Variants in ZNF678 observed in about 807,000 individuals in gnomAD.
ZNF678 encodes the protein hypothetical protein MGC42493.
ZNF678 carries 5 observed loss-of-function variants against 3.0 expected under a neutral mutation model. That is an observed-to-expected ratio of 1.69 (90% CI 0.88 to 3.56). The LOEUF is 3.56. Ranked by LOEUF, ZNF678 falls within the 30% of genes most tolerant of loss-of-function variation. The probability of loss-of-function intolerance (pLI) is 0.00; values close to 1 mark genes in which losing one functional copy is unlikely to be tolerated. For synonymous variants in ZNF678, 218 were observed against 199.6 expected (o/e 1.09, Z -0.78); for missense variants, 593 against 605.0 (o/e 0.98, Z 0.21).
rs1266106068 is a variant in ZNF678, at chr1:227,595,695, CAAACCAAAATCA to C, written c.-164+31984_-164+31995del. ...ACACACACACTTTTGCAGTTTACAC[CAAACCAAAATCA>C]AAACCAAAATCAGAGTATCCAGAAA... On this transcript the variant is annotated intron_variant, in intron 1 of 3. Transcript: ENST00000343776. Among the ~76,000 whole-genome samples the C allele has an allele frequency of 6.6e-5, 10 of 152,186 alleles. No individual in the cohort carries two copies. The East Asian group carries it at 9.7e-4, about 15-fold the overall frequency.
intron 1 of ZNF678, among the ~76,000 whole-genome samples, chr1:227,615,857 A>C (rs1201858875): frequency 6.6e-6 from 1 of 152,190 alleles, no homozygotes; most frequent in Non-Finnish European, 1.5e-5. Flanking sequence ...CCTGGTTACC[A>C]TCTGTTGACT....
At chr1:227,607,316 C>T (rs1229478751) in intron 1 of ZNF678, among the ~76,000 whole-genome samples, 1 of 152,170 alleles carries the variant, frequency 6.6e-6, no homozygotes, top group African/African-American at 2.4e-5. Flanking sequence ...TTAATACCCT[C>T]TTTCTGAGGG....
downstream of ZNF678, among the ~76,000 whole-genome samples, chr1:227,677,826 A>G (rs1309008765): frequency 6.6e-6 from 1 of 152,216 alleles, no homozygotes; most frequent in African/African-American, 2.4e-5. Flanking sequence ...AGAATAGGTA[A>G]CTCTGAGCTG....
intron 1 of ZNF678, among the ~76,000 whole-genome samples, chr1:227,575,733 A>AT (rs568312868): frequency 3.0e-4 from 46 of 152,054 alleles, no homozygotes; most frequent in African/African-American, 9.9e-4. Context: ...CATGCCCATT[A>AT]TTTTTTTCTC....
chr1:227,672,674 C>G (rs558583489), intron 5 of ZNF678, among the ~76,000 whole-genome samples: 1 of 152,146 alleles, frequency 6.6e-6, no homozygotes, highest in African/African-American at 2.4e-5. Flanking sequence ...AGCAGCTCCC[C>G]CTGACCTTCA....
chr1:227,663,294 C>T (rs78077080), downstream of ZNF678, among the ~76,000 whole-genome samples: 625 of 152,296 alleles, frequency 4.1e-3, 6 homozygotes, highest in African/African-American at 0.014. Context: ...TCCTGCAGCA[C>T]GACTGAAGTG....
At chr1:227,641,792 G>C (rs532308535) in intron 1 of ZNF678, among the ~76,000 whole-genome samples, 2 of 151,814 alleles carry the variant, frequency 1.3e-5, no homozygotes, top group South Asian at 4.2e-4. Context: ...ACAGCAAACA[G>C]ACCTTCCAGC....
chr1:227,624,189 C>A (rs1188154046), intron 1 of ZNF678, among the ~76,000 whole-genome samples: 1 of 152,160 alleles, frequency 6.6e-6, no homozygotes, highest in East Asian at 1.9e-4. Context: ...TACTTTAATT[C>A]AATACATTGA....
rs181983708 is a variant in ZNF678 at position 227,659,135 on chromosome 1, T to G, written c.*3307T>G. 1 of 152,238 alleles carries G rather than the reference T, an allele frequency of 6.6e-6. No individual in the cohort carries two copies. The highest frequency in any genetic ancestry group is 1.9e-4 in the East Asian group (1 of 5,188). The allele number at this position is 152,238 out of a possible 1,614,324, so 9.4% of individuals were successfully genotyped here. A position where few individuals can be genotyped will look rare whatever the true frequency, so the allele number is the denominator to read the frequency against. The stretch of plus-strand genomic sequence containing the variant: ...TTTACATTTATGTTTACATTTATAT[T>G]TAATTTTTCAAATTTAATTTAAATT... On this transcript the variant is annotated 3_prime_UTR_variant, in exon 4 of 4. Coordinates refer to ENST00000343776, the MANE Select transcript of ZNF678 (RefSeq NM_001367909.1).
At chr1:227,565,439 C>T (rs566981211) in intron 1 of ZNF678, among the ~76,000 whole-genome samples, 284 of 152,294 alleles carry the variant, frequency 1.9e-3, no homozygotes, top group Middle Eastern at 3.4e-3. Flanking sequence ...TCACTGAAGC[C>T]TCCAACTCCT....
downstream of ZNF678, among the ~76,000 whole-genome samples, chr1:227,663,271 C>T (rs531328115): frequency 1.1e-4 from 16 of 152,320 alleles, no homozygotes; most frequent in African/African-American, 3.8e-4. Context: ...TGTTAAGACA[C>T]ATACAATATG....
intron 1 of ZNF678, among the ~76,000 whole-genome samples, chr1:227,564,266 A>T (rs1656612421): frequency 6.6e-6 from 1 of 152,252 alleles, no homozygotes; most frequent in Non-Finnish European, 1.5e-5. Context: ...TGGACTGTCC[A>T]GGTGGAAATT....
intron 1 of ZNF678, among the ~76,000 whole-genome samples, chr1:227,591,208 T>C (rs1298536910): frequency 6.6e-6 from 1 of 151,806 alleles, no homozygotes. Flanking sequence ...AACCACGATA[T>C]TTACTTGAAG....
chr1:227,633,833 A>C (rs1658610567), intron 1 of ZNF678, among the ~76,000 whole-genome samples: 1 of 152,212 alleles, frequency 6.6e-6, no homozygotes, highest in South Asian at 2.1e-4. Flanking sequence ...ATAGTGCTGA[A>C]CTGGGCCCAG....
At chr1:227,588,325 T>C (rs893300397) in intron 1 of ZNF678, among the ~76,000 whole-genome samples, 29 of 152,160 alleles carry the variant, frequency 1.9e-4, no homozygotes, top group African/African-American at 7.0e-4. Flanking sequence ...AAGAATGATT[T>C]ATATTCTTTT....
At chr1:227,574,481 G>A (rs181756762) in intron 1 of ZNF678, among the ~76,000 whole-genome samples, 2 of 152,242 alleles carry the variant, frequency 1.3e-5, no homozygotes, top group African/African-American at 4.8e-5. Flanking sequence ...TTTGAAAAGC[G>A]TCTGTTCATT....
intron 1 of ZNF678, among the ~76,000 whole-genome samples, chr1:227,578,984 A>G (rs1324252726): frequency 6.6e-6 from 1 of 152,266 alleles, no homozygotes; most frequent in South Asian, 2.1e-4. Context: ...GATTCAGCCA[A>G]CTGGTTTTGT....
intron 1 of ZNF678, among the ~76,000 whole-genome samples, chr1:227,627,903 G>T (rs920872397): frequency 2.0e-5 from 3 of 152,192 alleles, no homozygotes; most frequent in African/African-American, 7.2e-5. Flanking sequence ...CCCCTCGAGC[G>T]GTGTAGGTTT....
In ZNF678 at chr1:227,602,962, T is replaced by C. The variant is rs375547277; in HGVS notation, c.-164+39238T>C. ...AATGTGTGATGATTGTACCTGTAAG[T>C]AGCCACTGTGCCCCAGCCTGGGCAA... On this transcript the variant is annotated intron_variant, in intron 1 of 3. Coordinates refer to ENST00000343776, the MANE Select transcript of ZNF678 (RefSeq NM_001367909.1). 5.3e-5 allele frequency among the ~76,000 whole-genome samples: 8 copies of C among 152,164 alleles called. No individual in the cohort carries two copies. The South Asian group carries it at 6.2e-4, about 12-fold the overall frequency.
Sources: allele counts gnomAD v4.1 joint callset (sites outside exome capture counted in the v4.1 genomes callset), GRCh38; gene constraint gnomAD v4.1.1; transcripts MANE v1.5; gene names NCBI Gene and HGNC (gene_info 2026-07-23, HGNC 2026-07-21).